The following RPS6KB1 variants were observed in gnomAD, a reference collection of about 807,000 sequenced individuals.
RPS6KB1 encodes the protein ribosomal protein S6 kinase B1, also known as ribosomal protein S6 kinase beta-1.
A neutral mutation model predicts 70.2 loss-of-function variants in RPS6KB1; 12 were observed. That is an observed-to-expected ratio of 0.17 (90% CI 0.11 to 0.28). The LOEUF is 0.28. Among genes scored for constraint, RPS6KB1 ranks in the 10% least tolerant of loss-of-function variants. The probability of loss-of-function intolerance (pLI) is 1.00; values close to 1 mark genes in which losing one functional copy is unlikely to be tolerated. For missense variants in RPS6KB1, 270 were observed against 646.6 expected, an observed-to-expected ratio of 0.42 and a Z score of 6.32; for synonymous variants, 175 against 211.2, an observed-to-expected ratio of 0.83 and a Z score of 1.49.
Position 59,893,667 on chromosome 17 carries a change from G to A in RPS6KB1, c.141+342G>A. ...AGCGTGTGTTGGGGAGACGGGGGCT[G>A]CTCTTGCTGGGTGTCCCGTAAGTGC... is the stretch of plus-strand genomic sequence containing the variant. On this transcript the variant is annotated intron_variant, in intron 1 of 14. Transcript: ENST00000225577. The surrounding 1 kb of genome is among the most constrained non-coding windows in gnomAD (Gnocchi z 4.1). The A allele has an allele frequency of 3.5e-6, 2 of 573,248 alleles. No homozygotes were observed. Among genetic ancestry groups the A allele is most frequent in the Non-Finnish European group, 4.7e-6 (2 of 426,330 alleles). The allele number at this position is 573,248 out of a possible 1,614,324, so 35.5% of individuals were successfully genotyped here.
Position 59,926,657 on chromosome 17 carries a change from A to T in RPS6KB1, c.529+75A>T, listed in dbSNP as rs568382561. On this transcript the variant is annotated intron_variant, in intron 5 of 14. Transcript: ENST00000225577. ...GGTCAAAATGTTATTTTTCAATGGA[A>T]GAATACTTTTTCCCATTATGATCAA... The T allele has an allele frequency of 4.0e-6, 5 of 1,245,570 alleles. No individual in the cohort carries two copies. The African/African-American group carries it at 4.5e-5, about 11-fold the overall frequency. 77.2% of individuals were successfully genotyped at this position (1,245,570 alleles called of 1,614,324 possible). A position where few individuals can be genotyped will look rare whatever the true frequency, so the allele number is the denominator to read the frequency against.
At chr17:59,900,013 A>C (rs375016311) in intron 1 of RPS6KB1, among the ~76,000 whole-genome samples, 66 of 152,196 alleles carry the variant, frequency 4.3e-4, no homozygotes, top group Admixed American at 1.4e-3. Flanking sequence ...AAAAATTAAA[A>C]AAATAAATAG....
intron 1 of RPS6KB1, among the ~76,000 whole-genome samples, chr17:59,908,952 G>A (rs1248647527): frequency 7.5e-6 from 1 of 133,490 alleles, no homozygotes; most frequent in East Asian, 2.2e-4. Context: ...TTGAGACAGG[G>A]TTTCGCTCTT....
intron 4 of RPS6KB1, among the ~76,000 whole-genome samples, chr17:59,925,433 TATC>T (rs2043549871): frequency 6.6e-6 from 1 of 152,198 alleles, no homozygotes; most frequent in African/African-American, 2.4e-5. Context: ...GAAATAAAGG[TATC>T]ATCATTTCTT....
At chr17:59,902,012 TAAAAAAAAAA>T (rs759292909) in intron 1 of RPS6KB1, among the ~76,000 whole-genome samples, 1 of 53,078 alleles carries the variant, frequency 1.9e-5, no homozygotes, top group African/African-American at 6.8e-5. Flanking sequence ...AACCTGTCTC[TAAAAAAAAAA>T]AAAAAAAAAG....
intron 1 of RPS6KB1, among the ~76,000 whole-genome samples, chr17:59,904,727 C>T (rs534594513): frequency 1.3e-3 from 126 of 96,536 alleles, no homozygotes; most frequent in African/African-American, 4.6e-3. Context: ...GGTGGAGTCT[C>T]GCTCTGTTGC....
chr17:59,915,775 C>CTTTGTT (rs2042912303), intron 4 of RPS6KB1, among the ~76,000 whole-genome samples: 2 of 77,922 alleles, frequency 2.6e-5, no homozygotes, highest in Non-Finnish European at 4.5e-5. Flanking sequence ...CTACTGCTAT[C>CTTTGTT]TTTTTTTTTT....
Position 59,914,715 on chromosome 17 carries a change from TC to T in RPS6KB1, c.381+17del. ...AGGTGCTTAAAAAGGTGATTTCCAC[TC>T]CCCCTTTTTAGTCCTCACACACCAT... On this transcript the variant is annotated intron_variant, in intron 4 of 14. Coordinates refer to ENST00000225577, the MANE Select transcript of RPS6KB1 (RefSeq NM_003161.4). 1.3e-6 allele frequency: 2 copies of T among 1,586,536 alleles called. No homozygotes were observed. Among genetic ancestry groups the T allele is most frequent in the Non-Finnish European group, 1.7e-6 (2 of 1,156,952 alleles).
rs540363340 is a variant in RPS6KB1 at position 59,918,701 on chromosome 17, T to C, written c.381+3998T>C. ...AGAGTTTAATTATAATTATTTGAAA[T>C]GTTCTTTTGTTTTACGCATGTTCTT... On this transcript the variant is annotated intron_variant, in intron 4 of 14. Transcript: ENST00000225577. Among the ~76,000 whole-genome samples the C allele has an allele frequency of 1.2e-4, 19 of 152,290 alleles. No homozygotes were observed. The South Asian group carries it at 3.9e-3, about 32-fold the overall frequency.
In RPS6KB1 at chr17:59,949,789, C is replaced by G. The variant is rs2045116520; in HGVS notation, c.*3001C>G. 1.3e-5 allele frequency: 2 copies of G among 152,352 alleles called. No homozygotes were observed. The highest frequency in any genetic ancestry group is 1.3e-4 in the Admixed American group (2 of 15,236). 9.4% of individuals were successfully genotyped at this position (152,352 alleles called of 1,614,324 possible). On this transcript the variant is annotated 3_prime_UTR_variant, in exon 15 of 15. Transcript: ENST00000225577. ...CATGTATGATACTCCATAAATTCAA[C>G]ATTCTTTACTATAGGTAATGAATGA...
intron 5 of RPS6KB1, among the ~76,000 whole-genome samples, chr17:59,928,214 C>T (rs1476139579): frequency 6.6e-6 from 1 of 151,920 alleles, no homozygotes; most frequent in Non-Finnish European, 1.5e-5. Context: ...CTAGATTCCC[C>T]AGATGTTACC....
chr17:59,915,474 C>CT (rs542750411), intron 4 of RPS6KB1, among the ~76,000 whole-genome samples: 58 of 150,602 alleles, frequency 3.9e-4, no homozygotes, highest in Non-Finnish European at 6.5e-4. Flanking sequence ...ACTGCCATCT[C>CT]TTTTTTTTTG....
At chr17:59,933,099 A>G (rs1226116990) in intron 7 of RPS6KB1, among the ~76,000 whole-genome samples, 3 of 152,154 alleles carry the variant, frequency 2.0e-5, no homozygotes, top group Non-Finnish European at 2.9e-5. Flanking sequence ...TTAGATGTCT[A>G]CAGAATAATC....
intron 1 of RPS6KB1, among the ~76,000 whole-genome samples, chr17:59,905,936 A>G (rs1263947727): frequency 6.6e-6 from 1 of 152,074 alleles, no homozygotes; most frequent in African/African-American, 2.4e-5. Flanking sequence ...GACTACAGGC[A>G]TACAACACCA....
At chr17:59,917,803 T>A (rs1169168363) in intron 4 of RPS6KB1, among the ~76,000 whole-genome samples, 1 of 152,188 alleles carries the variant, frequency 6.6e-6, no homozygotes, top group African/African-American at 2.4e-5. Flanking sequence ...ATGTGATTTA[T>A]TTGGTAATTT....
In RPS6KB1 at chr17:59,893,418, C is replaced by T. The variant is rs564232759; in HGVS notation, c.141+93C>T. ...CGGTGTGTCCTAGAGCGTGGAGACC[C>T]AGGGGGGCTCCTGAGGAGCTGAGGG... On this transcript the variant is annotated intron_variant, in intron 1 of 14. Transcript: ENST00000225577. The surrounding 1 kb of genome is among the most constrained non-coding windows in gnomAD (Gnocchi z 4.1). 410 of 1,318,728 alleles carry T rather than the reference C, an allele frequency of 3.1e-4. 1 individual carries two copies. The African/African-American group carries it at 5.5e-3, about 18-fold the overall frequency. 81.7% of individuals were successfully genotyped at this position (1,318,728 alleles called of 1,614,324 possible).
At chr17:59,938,822 T>C (rs2044409875) in intron 12 of RPS6KB1, among the ~76,000 whole-genome samples, 1 of 151,748 alleles carries the variant, frequency 6.6e-6, no homozygotes, top group Non-Finnish European at 1.5e-5. Flanking sequence ...TGTCTGGAGA[T>C]ACACTGATTG....
At position 59,934,225 on chromosome 17, in the gene RPS6KB1, A is replaced by G. The variant is rs1297026026; in HGVS notation, c.744A>G (p.Thr248=). 12 of 1,612,090 alleles carry G rather than the reference A, an allele frequency of 7.4e-6. No homozygotes were observed. In the Admixed American group the frequency reaches 1.8e-4, roughly 25 times the overall value. Residue 248 remains threonine, a synonymous_variant, in exon 8 of 15, where the codon ACA becomes ACG. Transcript: ENST00000225577. The surrounding 1 kb of genome is among the most constrained non-coding windows in gnomAD (Gnocchi z 4.8). ...GCAAAGAATCTATTCATGATGGAAC[A>G]GTCACACACACATTTTGTGGAACAA... is the stretch of plus-strand genomic sequence containing the variant. ...GLCKESIHDG[T]VTHTFCGTIE...
rs1406286914 is a variant in RPS6KB1 at position 59,948,804 on chromosome 17, C to T, written c.*2016C>T. On this transcript the variant is annotated 3_prime_UTR_variant, in exon 15 of 15. Transcript: ENST00000225577. ...AAAAGTGCAGATCCTTGTTCTTTGA[C>T]AATTTGTGATGTCTGAAAAAACAGA... 1 of 152,514 alleles carries T rather than the reference C, an allele frequency of 6.6e-6. No homozygotes were observed. The highest frequency in any genetic ancestry group is 1.5e-5 in the Non-Finnish European group (1 of 68,004). The allele number at this position is 152,514 out of a possible 1,614,324, so 9.4% of individuals were successfully genotyped here.
Sources: allele counts gnomAD v4.1 joint callset (sites outside exome capture counted in the v4.1 genomes callset), GRCh38; gene constraint gnomAD v4.1.1; non-coding constraint Gnocchi (gnomAD v3.1); transcripts MANE v1.5; gene names NCBI Gene and HGNC (gene_info 2026-07-23, HGNC 2026-07-21).